The following ELAVL2 variants were observed in gnomAD, a reference collection of about 807,000 sequenced individuals.
ELAVL2 encodes ELAV like RNA binding protein 2, also known as ELAV-like protein 2.
Under a neutral mutation model 34.6 loss-of-function variants are expected in ELAVL2, and 4 were observed. The observed-to-expected ratio is 0.12, with a 90% confidence interval of 0.06 to 0.26. ELAVL2 has a LOEUF of 0.26. ELAVL2 is among the 10% of genes least tolerant of loss of function. The pLI, the probability that ELAVL2 is intolerant of heterozygous loss-of-function variation, is 1.00. For missense variants in ELAVL2, 432 were observed against 442.8 expected (o/e 0.98, Z 0.22); for synonymous variants, 193 against 154.8 (o/e 1.25, Z -1.83).
intron 2 of ELAVL2, among the ~76,000 whole-genome samples, chr9:23,734,913 T>C (rs1045455408): frequency 1.3e-5 from 2 of 151,786 alleles, no homozygotes; most frequent in African/African-American, 4.8e-5. Context: ...CAAGCATCAC[T>C]TATCCATATC....
intron 1 of ELAVL2, among the ~76,000 whole-genome samples, chr9:23,777,560 G>C (rs2058414461): frequency 6.6e-6 from 1 of 152,108 alleles, no homozygotes; most frequent in South Asian, 2.1e-4. Flanking sequence ...GGAGACTGCA[G>C]GCCTTGGAAT....
At chr9:23,706,051 G>A (rs78416681) in intron 3 of ELAVL2, among the ~76,000 whole-genome samples, 1 of 152,114 alleles carries the variant, frequency 6.6e-6, no homozygotes, top group Non-Finnish European at 1.5e-5. Flanking sequence ...CCAGAAATTT[G>A]AATGTGTGAA....
intron 2 of ELAVL2, among the ~76,000 whole-genome samples, chr9:23,759,429 C>T (rs1045657624): frequency 1.3e-5 from 2 of 151,714 alleles, no homozygotes; most frequent in Admixed American, 6.6e-5. Context: ...AGGAGGGGGC[C>T]AGATGGTTAA....
At chr9:23,813,785 T>C (rs1043912107) in intron 1 of ELAVL2, among the ~76,000 whole-genome samples, 13 of 152,204 alleles carry the variant, frequency 8.5e-5, no homozygotes, top group African/African-American at 3.1e-4. Flanking sequence ...AAGATCTAAA[T>C]ATGTAAGGAG....
chr9:23,751,832 C>A (rs2052131442), intron 2 of ELAVL2, among the ~76,000 whole-genome samples: 2 of 152,174 alleles, frequency 1.3e-5, no homozygotes, highest in Non-Finnish European at 2.9e-5. Context: ...CACAATACCA[C>A]ATAGAGCAAT....
chr9:23,702,899 G>A (rs951243721), intron 4 of ELAVL2, among the ~76,000 whole-genome samples: 2 of 117,370 alleles, frequency 1.7e-5, no homozygotes, highest in Non-Finnish European at 3.3e-5. Context: ...CGCCTATTAA[G>A]AATTAATAAC....
chr9:23,781,968 G>C (rs1286111457), intron 1 of ELAVL2, among the ~76,000 whole-genome samples: 1 of 152,126 alleles, frequency 6.6e-6, no homozygotes, highest in Non-Finnish European at 1.5e-5. Context: ...ACAGGCGTGA[G>C]CCACCGCGCC....
chr9:23,805,174 G>C (rs1306197136), intron 1 of ELAVL2, among the ~76,000 whole-genome samples: 1 of 152,114 alleles, frequency 6.6e-6, no homozygotes, highest in Non-Finnish European at 1.5e-5. Flanking sequence ...ATAAACAAAA[G>C]AAAGACGTTA....
At chr9:23,847,379 C>T in the ELAVL2 span, 1 of 152,044 alleles carries the variant, frequency 6.6e-6, no homozygotes, top group Non-Finnish European at 1.5e-5. Flanking sequence ...TCACTTTTCT[C>T]TTTTATGCAT....
At chr9:23,723,272 G>A (rs550358849) in intron 3 of ELAVL2, among the ~76,000 whole-genome samples, 23 of 152,112 alleles carry the variant, frequency 1.5e-4, no homozygotes, top group African/African-American at 5.3e-4. Flanking sequence ...TCCTTTGTAG[G>A]GACATGGATG....
intron 2 of ELAVL2, among the ~76,000 whole-genome samples, chr9:23,739,044 A>C (rs1404527235): frequency 6.6e-6 from 1 of 152,184 alleles, no homozygotes; most frequent in African/African-American, 2.4e-5. Context: ...GACTATTGAG[A>C]ACAGAAACAG....
chr9:23,758,783 C>T (rs2054186551), intron 2 of ELAVL2, among the ~76,000 whole-genome samples: 1 of 152,076 alleles, frequency 6.6e-6, no homozygotes, highest in South Asian at 2.1e-4. Flanking sequence ...TTCTTTACTG[C>T]TGGATTTTTC....
At chr9:23,834,035 G>A in the ELAVL2 span, among the ~76,000 whole-genome samples, 1 of 151,786 alleles carries the variant, frequency 6.6e-6, no homozygotes, top group South Asian at 2.1e-4. Context: ...TTTCAATTTG[G>A]TTCAGCATCC....
intron 2 of ELAVL2, among the ~76,000 whole-genome samples, chr9:23,754,114 A>G (rs956844784): frequency 2.2e-4 from 34 of 152,310 alleles, no homozygotes; most frequent in South Asian, 4.1e-4. Flanking sequence ...GGAAAACTGT[A>G]TAACTGTCTC....
At chr9:23,789,733 A>AT (rs1166034319) in intron 1 of ELAVL2, among the ~76,000 whole-genome samples, 1 of 152,218 alleles carries the variant, frequency 6.6e-6, no homozygotes, top group Non-Finnish European at 1.5e-5. Context: ...AAGCTATCAC[A>AT]TATCTCCCTT....
chr9:23,816,873 G>A (rs1172676098), intron 1 of ELAVL2, among the ~76,000 whole-genome samples: 4 of 152,118 alleles, frequency 2.6e-5, no homozygotes, highest in Non-Finnish European at 5.9e-5. Flanking sequence ...ATATTCAGTA[G>A]GTTAGGCGTA....
chr9:23,767,447 C>A (rs1015548428), intron 1 of ELAVL2, among the ~76,000 whole-genome samples: 1 of 152,140 alleles, frequency 6.6e-6, no homozygotes, highest in Non-Finnish European at 1.5e-5. Context: ...TATTTTCAAA[C>A]CTCTTGCAGA....
intron 1 of ELAVL2, among the ~76,000 whole-genome samples, chr9:23,772,466 C>T (rs1445366240): frequency 7.0e-6 from 1 of 142,512 alleles, no homozygotes; most frequent in Non-Finnish European, 1.5e-5. Context: ...TTATTTTTCA[C>T]TGTTATTTAG....
intron 2 of ELAVL2, among the ~76,000 whole-genome samples, chr9:23,760,072 A>C (rs1224157209): frequency 6.6e-6 from 1 of 151,796 alleles, no homozygotes; most frequent in Non-Finnish European, 1.5e-5. Context: ...TACCACACTA[A>C]AGTTAGAGAG....
Sources: gnomAD v4.1 joint callset for allele counts (sites outside exome capture counted in the v4.1 genomes callset) on GRCh38, gnomAD v4.1.1 for gene constraint, MANE v1.5 for transcripts, NCBI Gene and HGNC (gene_info 2026-07-23, HGNC 2026-07-21) for gene names.